The following VIT variants were observed in gnomAD, a reference collection of about 807,000 sequenced individuals.
The protein encoded by VIT is vitrin.
Under a neutral mutation model 78.0 loss-of-function variants are expected in VIT, and 99 were observed. The ratio of observed to expected loss-of-function variants is 1.27; its 90% confidence interval spans 1.08 to 1.50. The LOEUF is 1.50. Among genes scored for constraint, VIT ranks in the 40% most tolerant of loss-of-function variants. VIT has a pLI of 0.00. For missense variants in VIT, 1,126 were observed against 875.3 expected (o/e 1.29, Z -3.61); for synonymous variants, 374 against 334.3 (o/e 1.12, Z -1.29).
Position 36,806,533 on chromosome 2 carries a change from T to C in VIT, c.1389+869T>C, listed in dbSNP as rs535780806. ...CCTGCAGGATCCCTCCCAGGGTCAC[T>C]GCTTCCACCTTTATCTCTTTTTTTC... On this transcript the variant is annotated intron_variant, in intron 14 of 15. Transcript: ENST00000379242. Among the ~76,000 whole-genome samples, 9 of 152,208 alleles carry C rather than the reference T, an allele frequency of 5.9e-5. No homozygotes were observed. The East Asian group carries it at 9.7e-4, about 16-fold the overall frequency.
At position 36,755,021 on chromosome 2, in the gene VIT, C is replaced by T. The variant is rs199867174; in HGVS notation, c.376C>T (p.Leu126=). 2.5e-6 allele frequency: 4 copies of T among 1,614,020 alleles called. No homozygotes were observed. The highest frequency in any genetic ancestry group is 1.7e-5 in the Admixed American group (1 of 60,004). The change falls in exon 5 of 16, where the codon CTA becomes TTA. Residue 126 remains leucine (L), a synonymous_variant. Transcript: ENST00000379242. ...TTCCAACGGTGTCCAATCGTTATCC[C>T]TACCACGATGGAGAGAATCCTTTAT... ...SYSNGVQSLS[L]PRWRESFIVL...
chr2:36,726,507 A>T (rs184999648), intron 2 of VIT, among the ~76,000 whole-genome samples: 1 of 152,346 alleles, frequency 6.6e-6, no homozygotes, highest in Admixed American at 6.5e-5. Context: ...TTCAATAATA[A>T]AAACAGCCAA....
At chr2:36,733,949 A>T (rs1294440099) in intron 3 of VIT, among the ~76,000 whole-genome samples, 4 of 152,246 alleles carry the variant, frequency 2.6e-5, no homozygotes, top group Non-Finnish European at 5.9e-5. Context: ...TTTTAAACAG[A>T]AAGTGAAATG....
intron 9 of VIT, 75 bp from the exon 10 acceptor site, chr2:36,781,652 C>A: frequency 6.5e-7 from 1 of 1,540,284 alleles, no homozygotes; most frequent in Non-Finnish European, 9.0e-7. Flanking sequence ...CCTTATCATC[C>A]CGGCAATTCA....
intron 11 of VIT, among the ~76,000 whole-genome samples, chr2:36,785,121 C>G (rs1046324661): frequency 6.6e-6 from 1 of 152,204 alleles, no homozygotes; most frequent in Non-Finnish European, 1.5e-5. Flanking sequence ...AAAATCCCCT[C>G]TGGCCCTTAC....
intron 9 of VIT, among the ~76,000 whole-genome samples, chr2:36,776,666 G>A (rs572297910): frequency 5.9e-5 from 9 of 152,022 alleles, no homozygotes; most frequent in East Asian, 1.9e-4. Context: ...CCGGTGGTGC[G>A]TGCCTGTAAT....
chr2:36,745,584 G>C, intron 4 of VIT, among the ~76,000 whole-genome samples: 1 of 151,974 alleles, frequency 6.6e-6, no homozygotes, highest in East Asian at 1.9e-4. Context: ...ACTGTAAATG[G>C]GATTGTGTTC....
chr2:36,805,176 C>A (rs779057176), intron 13 of VIT, among the ~76,000 whole-genome samples: 2 of 151,800 alleles, frequency 1.3e-5, no homozygotes, highest in Non-Finnish European at 2.9e-5. Flanking sequence ...CAGTGGCACA[C>A]GCCTGTAGTC....
chr2:36,711,244 T>A (rs188025352), intron 1 of VIT, among the ~76,000 whole-genome samples: 96 of 152,348 alleles, frequency 6.3e-4, no homozygotes, highest in African/African-American at 2.1e-3. Flanking sequence ...TTAAATTACT[T>A]TTCTCTTTCT....
chr2:36,733,139 G>A (rs1229037939), intron 3 of VIT, among the ~76,000 whole-genome samples: 1 of 152,176 alleles, frequency 6.6e-6, no homozygotes, highest in East Asian at 1.9e-4. Context: ...GCAATTAGCA[G>A]GACTCCAAGG....
intron 6 of VIT, chr2:36,759,248 T>A: frequency 1.3e-6 from 2 of 1,506,542 alleles, no homozygotes; most frequent in Non-Finnish European, 1.8e-6. Context: ...TTATTTTTTG[T>A]TTTTGCAATT....
chr2:36,744,052 A>G (rs917215431), intron 4 of VIT, among the ~76,000 whole-genome samples: 1 of 152,206 alleles, frequency 6.6e-6, no homozygotes, highest in African/African-American at 2.4e-5. Flanking sequence ...AAGTGAGAAC[A>G]TGCAATATTT....
intron 1 of VIT, among the ~76,000 whole-genome samples, chr2:36,707,702 T>C (rs539850953): frequency 6.6e-6 from 1 of 152,206 alleles, no homozygotes. Flanking sequence ...ATGCTCTGCG[T>C]AGGCCACCAA....
At chr2:36,803,638 C>T (rs1334073981) in intron 13 of VIT, among the ~76,000 whole-genome samples, 1 of 152,198 alleles carries the variant, frequency 6.6e-6, no homozygotes, top group East Asian at 1.9e-4. Context: ...GCAGCCAGTT[C>T]ACATGGGTTT....
At chr2:36,784,984 G>T (rs187538567) in intron 11 of VIT, among the ~76,000 whole-genome samples, 1 of 152,288 alleles carries the variant, frequency 6.6e-6, no homozygotes, top group Admixed American at 6.5e-5. Context: ...ACCTTCTTAA[G>T]ACCTAACTAT....
At chr2:36,804,981 T>C (rs1366582964) in intron 13 of VIT, among the ~76,000 whole-genome samples, 1 of 152,110 alleles carries the variant, frequency 6.6e-6, no homozygotes, top group Non-Finnish European at 1.5e-5. Flanking sequence ...CACTGAATTG[T>C]ACACATAAAA....
chr2:36,775,077 C>T lies in VIT; in HGVS notation c.802+10C>T. On this transcript the variant is annotated intron_variant, in intron 9 of 15. Coordinates refer to ENST00000379242, the MANE Select transcript of VIT (RefSeq NM_053276.4). ...GCGGATGTCAGCCTGGGTAAGCTGC[C>T]CACTGCTTACCATCTCTGCTCCCTA... 1 of 1,613,430 alleles carries T rather than the reference C, an allele frequency of 6.2e-7. No homozygotes were observed. Among genetic ancestry groups the T allele is most frequent in the Non-Finnish European group, 8.5e-7 (1 of 1,179,912 alleles).
chr2:36,785,800 C>T (rs2148629767), intron 11 of VIT, among the ~76,000 whole-genome samples: 1 of 152,332 alleles, frequency 6.6e-6, no homozygotes, highest in South Asian at 2.1e-4. Context: ...TGCAACACTG[C>T]AAGATAATAA....
intron 3 of VIT, 63 bp from the exon 4 acceptor site, chr2:36,743,037 G>T: frequency 6.3e-7 from 1 of 1,596,314 alleles, no homozygotes; most frequent in Non-Finnish European, 8.6e-7. Context: ...AGACCTAACA[G>T]TGTCACCCCA....
Sources: allele counts gnomAD v4.1 joint callset (sites outside exome capture counted in the v4.1 genomes callset), GRCh38; gene constraint gnomAD v4.1.1; transcripts MANE v1.5; gene names NCBI Gene and HGNC (gene_info 2026-07-23, HGNC 2026-07-21).